Variants in PGM5 observed in about 807,000 individuals in gnomAD.
PGM5 encodes phosphoglucomutase-like protein 5.
In PGM5, 23 loss-of-function variants were observed where a neutral mutation model predicts 59.2. The ratio of observed to expected loss-of-function variants is 0.39; its 90% CI spans 0.28 to 0.55. PGM5 has a LOEUF of 0.55. Ranked by LOEUF, PGM5 falls within the 20% of genes least tolerant of loss-of-function variation. The pLI is 0.66. For missense variants in PGM5, 574 were observed against 748.3 expected (o/e 0.77, Z 2.72); for synonymous variants, 214 against 286.0 (o/e 0.75, Z 2.54).
chr9:68,403,606 A>G (rs1221880789), intron 6 of PGM5, among the ~76,000 whole-genome samples: 1 of 152,212 alleles, frequency 6.6e-6, no homozygotes, highest in African/African-American at 2.4e-5. Context: ...ACAGAAAAAT[A>G]TGATGATGAG....
At chr9:68,511,229 T>C (rs1210131894) in intron 10 of PGM5, among the ~76,000 whole-genome samples, 4 of 152,240 alleles carry the variant, frequency 2.6e-5, no homozygotes, top group Admixed American at 1.3e-4. Flanking sequence ...GTGCCTGTTA[T>C]CTGTCATCTG....
chr9:68,369,991 T>C (rs2777144), intron 1 of PGM5, among the ~76,000 whole-genome samples: 56,517 of 149,772 alleles, frequency 0.38, 10,892 homozygotes, highest in African/African-American at 0.42. Flanking sequence ...AGGACTGGCA[T>C]TCTGCAACCC....
At chr9:68,381,099 T>G (rs1554678273) in intron 2 of PGM5, among the ~76,000 whole-genome samples, 1 of 151,940 alleles carries the variant, frequency 6.6e-6, no homozygotes, top group East Asian at 1.9e-4. Flanking sequence ...CAGCATCACC[T>G]TGATACCTAA....
At chr9:68,383,735 C>A (rs1267961984) in intron 2 of PGM5, among the ~76,000 whole-genome samples, 79 of 30,762 alleles carry the variant, frequency 2.6e-3, no homozygotes, top group South Asian at 4.3e-3. Flanking sequence ...TTAAGATATA[C>A]AAGGTAAAAA....
intron 10 of PGM5, among the ~76,000 whole-genome samples, chr9:68,505,755 T>C (rs868988724): frequency 6.6e-6 from 1 of 152,174 alleles, no homozygotes; most frequent in South Asian, 2.1e-4. Flanking sequence ...GTTGCTGAAG[T>C]GTTCTTATGG....
intron 2 of PGM5, among the ~76,000 whole-genome samples, chr9:68,379,022 A>G (rs1301670551): frequency 6.6e-6 from 1 of 152,214 alleles, no homozygotes; most frequent in Non-Finnish European, 1.5e-5. Context: ...AAAGCAAATT[A>G]TAGCACGAGA....
At chr9:68,447,746 T>C (rs1554684098) in intron 6 of PGM5, among the ~76,000 whole-genome samples, 1 of 152,144 alleles carries the variant, frequency 6.6e-6, no homozygotes, top group African/African-American at 2.4e-5. Flanking sequence ...TATCCAGAAA[T>C]ACCCATAGAG....
At chr9:68,371,175 G>C (rs1821711912) in intron 1 of PGM5, among the ~76,000 whole-genome samples, 1 of 152,146 alleles carries the variant, frequency 6.6e-6, no homozygotes, top group Non-Finnish European at 1.5e-5. Context: ...TGGAGGACTG[G>C]GTGAGGTTGC....
intron 6 of PGM5, among the ~76,000 whole-genome samples, chr9:68,402,639 G>T (rs1822701668): frequency 1.3e-5 from 2 of 152,126 alleles, no homozygotes; most frequent in South Asian, 4.1e-4. Flanking sequence ...CAAATTTATT[G>T]GTGATATAAA....
chr9:68,500,803 A>C (rs570611955), intron 10 of PGM5, among the ~76,000 whole-genome samples: 1 of 152,214 alleles, frequency 6.6e-6, no homozygotes, highest in Non-Finnish European at 1.5e-5. Context: ...TTTTTCCTCA[A>C]CATTCTTTTC....
rs139989462 is a variant in PGM5 at position 68,483,997 on chromosome 9, G to A, written c.1428G>A (p.Thr476=). ...GCCATGTCTACAGCGTGGCGAAGAC[G>A]GATAGTTTTGAATACGTGGACCCTG... ...VGSHVYSVAK[T]DSFEYVDPVD... The change falls in exon 9 of 11, where the codon ACG becomes ACA. Residue 476 remains threonine (T), a synonymous_variant. Coordinates refer to ENST00000396396, the MANE Select transcript of PGM5 (RefSeq NM_021965.4). 220 of 1,614,000 alleles carry A rather than the reference G, an allele frequency of 1.4e-4. No homozygotes were observed. In the African/African-American group the frequency reaches 1.9e-3, roughly 14 times the overall value.
chr9:68,503,870 C>T (rs1479294366), intron 10 of PGM5, among the ~76,000 whole-genome samples: 1 of 152,136 alleles, frequency 6.6e-6, no homozygotes, highest in Non-Finnish European at 1.5e-5. Flanking sequence ...AAAAAATTTC[C>T]CAGATGATAT....
chr9:68,420,445 T>G (rs1340956212), intron 6 of PGM5, among the ~76,000 whole-genome samples: 2 of 152,216 alleles, frequency 1.3e-5, no homozygotes, highest in African/African-American at 4.8e-5. Flanking sequence ...TCGCTCACAA[T>G]GCATGCCAGT....
chr9:68,417,666 C>T (rs77021853), intron 6 of PGM5, among the ~76,000 whole-genome samples: 2,521 of 152,232 alleles, frequency 0.017, 31 homozygotes, highest in Non-Finnish European at 0.027. Flanking sequence ...CATATAAATG[C>T]GACACAATTC....
chr9:68,418,406 A>C (rs1587802189), intron 6 of PGM5, among the ~76,000 whole-genome samples: 1 of 152,130 alleles, frequency 6.6e-6, no homozygotes, highest in African/African-American at 2.4e-5. Flanking sequence ...TCAGCTTTAC[A>C]GACAAGTGGT....
chr9:68,441,334 AAG>A (rs1554683691), intron 6 of PGM5, among the ~76,000 whole-genome samples: 2 of 152,144 alleles, frequency 1.3e-5, no homozygotes, highest in African/African-American at 4.8e-5. Context: ...ATTTTTAAAA[AAG>A]AAAAATATAA....
At position 68,356,956 on chromosome 9, in the gene PGM5, G is replaced by GGGCGGGCGGTCCCCA. The variant is rs568440252; in HGVS notation, c.-162_-148dup. 3.7e-6 allele frequency: 2 copies of GGGCGGGCGGTCCCCA among 536,936 alleles called. No homozygotes were observed. Among genetic ancestry groups the GGGCGGGCGGTCCCCA allele is most frequent in the African/African-American group, 2.0e-5 (1 of 49,938 alleles). The allele number at this position is 536,936 out of a possible 1,614,324, so 33.3% of individuals were successfully genotyped here. A position where few individuals can be genotyped will look rare whatever the true frequency, so the allele number is the denominator to read the frequency against. On this transcript the variant is annotated 5_prime_UTR_variant, in exon 1 of 11. Coordinates refer to ENST00000396396, the MANE Select transcript of PGM5 (RefSeq NM_021965.4). ...AGCCGAGCGGCCGCGCGGAGAGGAGGGGCGGGCGGTCCCCAGGCGGGCGGG... is the reference window on the plus strand; with the variant it reads ...AGCCGAGCGGCCGCGCGGAGAGGAGGGGCGGGCGGTCCCCAGGCGGGCGGTCCCCAGGCGGGCGGG...
At chr9:68,456,676 G>A (rs560231539) in intron 6 of PGM5, among the ~76,000 whole-genome samples, 2 of 143,116 alleles carry the variant, frequency 1.4e-5, no homozygotes, top group South Asian at 4.5e-4. Context: ...CCAGGCTGGA[G>A]TACAATGGTG....
chr9:68,419,980 A>T (rs1823100642), intron 6 of PGM5, among the ~76,000 whole-genome samples: 1 of 152,270 alleles, frequency 6.6e-6, no homozygotes, highest in South Asian at 2.1e-4. Flanking sequence ...CTGTAGTCTC[A>T]CTTAAGGAAG....
Sources: allele counts gnomAD v4.1 joint callset (sites outside exome capture counted in the v4.1 genomes callset), GRCh38; gene constraint gnomAD v4.1.1; transcripts MANE v1.5; gene names NCBI Gene and HGNC (gene_info 2026-07-23, HGNC 2026-07-21).